CALN1: variants seen among roughly 807,000 people sequenced by gnomAD.
CALN1 encodes calcium-binding protein 8.
Under a neutral mutation model 30.6 loss-of-function variants are expected in CALN1, and 17 were observed. The ratio of observed to expected loss-of-function variants is 0.56; its 90% confidence interval spans 0.38 to 0.83. The LOEUF is 0.83. Among genes scored for constraint, CALN1 ranks in the 40% least tolerant of loss-of-function variants. The pLI is 0.00. For synonymous variants in CALN1, 156 were observed against 131.4 expected, an observed-to-expected ratio of 1.19 and a Z score of -1.28; for missense variants, 291 against 354.9, an observed-to-expected ratio of 0.82 and a Z score of 1.45.
intron 5 of CALN1, among the ~76,000 whole-genome samples, chr7:71,811,347 A>G (rs1195179771): frequency 1.3e-5 from 2 of 152,116 alleles, no homozygotes; most frequent in East Asian, 3.9e-4. Flanking sequence ...AGCTGGGATT[A>G]CAGACATGAG....
At chr7:72,295,243 T>G (rs912888545) in intron 2 of CALN1, among the ~76,000 whole-genome samples, 8 of 152,036 alleles carry the variant, frequency 5.3e-5, no homozygotes, top group Admixed American at 4.6e-4. Flanking sequence ...ATGTTTAAAT[T>G]AAAGTTATAA....
At chr7:72,236,388 T>G (rs1333874948) in intron 3 of CALN1, among the ~76,000 whole-genome samples, 5 of 152,226 alleles carry the variant, frequency 3.3e-5, no homozygotes, top group Non-Finnish European at 5.9e-5. Context: ...CCGAATCAAC[T>G]GCAGAAGAAA....
chr7:71,832,224 A>T (rs1366917768), intron 5 of CALN1, among the ~76,000 whole-genome samples: 1 of 152,188 alleles, frequency 6.6e-6, no homozygotes. Flanking sequence ...GCAAAGCAAG[A>T]GGATGAGATG....
In CALN1 at chr7:71,795,017, T is replaced by C. The variant is rs190636511; in HGVS notation, c.659-7115A>G. The stretch of plus-strand genomic sequence containing the variant: ...TGGTGCCTTCTGATCTTGCCTATTT[T>C]TTTTCTTTTCTTTTTTTCTTTTTTG... On this transcript the variant is annotated intron_variant, in intron 6 of 6. Transcript: ENST00000395275. 3.9e-5 allele frequency among the ~76,000 whole-genome samples: 6 copies of C among 152,170 alleles called. No individual in the cohort carries two copies. The East Asian group carries it at 5.8e-4, about 15-fold the overall frequency.
intron 3 of CALN1, among the ~76,000 whole-genome samples, chr7:72,209,977 C>T (rs1030069321): frequency 6.6e-6 from 1 of 152,098 alleles, no homozygotes. Context: ...AAAATTAAAA[C>T]AAAGTCATAA....
intron 2 of CALN1, among the ~76,000 whole-genome samples, chr7:72,307,949 G>C (rs577316335): frequency 6.6e-6 from 1 of 151,836 alleles, no homozygotes; most frequent in East Asian, 1.9e-4. Flanking sequence ...TCACCAGAAG[G>C]ACATTTCGTG....
intron 3 of CALN1, among the ~76,000 whole-genome samples, chr7:72,213,529 G>T (rs138582172): frequency 1.6e-4 from 24 of 152,276 alleles, no homozygotes; most frequent in African/African-American, 5.3e-4. Context: ...TGAGGGATGC[G>T]CATTGCTGTA....
chr7:72,304,323 G>C (rs935460214), intron 2 of CALN1, among the ~76,000 whole-genome samples: 26 of 152,176 alleles, frequency 1.7e-4, no homozygotes, highest in Non-Finnish European at 2.1e-4. Flanking sequence ...CCCATTTCAA[G>C]TGGATGCTCA....
chr7:72,241,477 C>T (rs1465194732), intron 3 of CALN1, among the ~76,000 whole-genome samples: 2 of 152,126 alleles, frequency 1.3e-5, no homozygotes, highest in Non-Finnish European at 1.5e-5. Flanking sequence ...GAGGCCAAGG[C>T]GGGCAGATCA....
intron 5 of CALN1, among the ~76,000 whole-genome samples, chr7:71,992,373 C>T (rs1798999997): frequency 6.6e-6 from 1 of 151,840 alleles, no homozygotes. Context: ...TATTATTTTT[C>T]TTAGAGAAAG....
intron 5 of CALN1, among the ~76,000 whole-genome samples, chr7:71,843,146 ATCT>A (rs1200538224): frequency 6.6e-6 from 1 of 152,204 alleles, no homozygotes. Flanking sequence ...TAATTTCTAC[ATCT>A]TCTTATTCTC....
At chr7:72,456,970 A>G in the CALN1 span, among the ~76,000 whole-genome samples, 3 of 150,438 alleles carry the variant, frequency 2.0e-5, no homozygotes, top group African/African-American at 7.3e-5. Flanking sequence ...TTGATGCATA[A>G]TTGGTTCAGT....
intron 6 of CALN1, among the ~76,000 whole-genome samples, chr7:71,799,571 T>C (rs979625234): frequency 6.6e-6 from 1 of 152,076 alleles, no homozygotes; most frequent in Non-Finnish European, 1.5e-5. Flanking sequence ...ATTCAAGCGA[T>C]TCTCCTGCCT....
intron 1 of CALN1, among the ~76,000 whole-genome samples, chr7:72,432,280 C>G (rs909059538): frequency 1.3e-5 from 2 of 152,180 alleles, no homozygotes; most frequent in African/African-American, 4.8e-5. Context: ...CCTTCGTCTT[C>G]TGCCATGGTT....
chr7:72,389,342 C>T (rs953302225), intron 2 of CALN1, among the ~76,000 whole-genome samples: 5 of 152,194 alleles, frequency 3.3e-5, no homozygotes, highest in Non-Finnish European at 5.9e-5. Flanking sequence ...GTTTCATAGC[C>T]TCCTTCTTTC....
chr7:71,850,469 T>G (rs1790573530), intron 5 of CALN1, among the ~76,000 whole-genome samples: 1 of 152,212 alleles, frequency 6.6e-6, no homozygotes, highest in Non-Finnish European at 1.5e-5. Context: ...TCACCTGCCT[T>G]GGCTTCCCAA....
chr7:71,852,342 A>G (rs1790694816), intron 5 of CALN1, among the ~76,000 whole-genome samples: 2 of 152,174 alleles, frequency 1.3e-5, no homozygotes, highest in East Asian at 1.9e-4. Context: ...ATTTAGCTTT[A>G]TAAGAAACTG....
Position 72,077,610 on chromosome 7 carries a change from C to A in CALN1, c.388+28541G>T, listed in dbSNP as rs191229377. Reference sequence around the variant, plus strand: ...TTTTTATTCTCTTCCTTTTCCCAACCCCTGTCTCTCTTCAAAGGAGTCTTG... The same window carrying A: ...TTTTTATTCTCTTCCTTTTCCCAACACCTGTCTCTCTTCAAAGGAGTCTTG... On this transcript the variant is annotated intron_variant, in intron 4 of 6. Transcript: ENST00000395275. Among the ~76,000 whole-genome samples the A allele has an allele frequency of 1.3e-3, 205 of 152,262 alleles. 1 individual carries two copies. The highest frequency in any genetic ancestry group is 4.7e-3 in the African/African-American group (196 of 41,550).
At chr7:72,386,897 A>C (rs912979053) in intron 2 of CALN1, among the ~76,000 whole-genome samples, 2 of 152,034 alleles carry the variant, frequency 1.3e-5, no homozygotes, top group Non-Finnish European at 2.9e-5. Context: ...TTACATCTAG[A>C]AGTATAGATA....
Sources: gnomAD v4.1 joint callset for allele counts (sites outside exome capture counted in the v4.1 genomes callset) on GRCh38, gnomAD v4.1.1 for gene constraint, MANE v1.5 for transcripts, NCBI Gene and HGNC (gene_info 2026-07-23, HGNC 2026-07-21) for gene names.